Variants in SCD5 observed in about 807,000 individuals in gnomAD.
SCD5 encodes the protein acyl-CoA-desaturase 4.
SCD5 carries 20 observed loss-of-function variants against 30.4 expected under a neutral mutation model. That is an observed-to-expected ratio of 0.66 (90% confidence interval 0.46 to 0.96). The LOEUF (loss-of-function observed/expected upper bound fraction) is 0.96, where lower values mean the gene tolerates loss of function less well. Among genes scored for constraint, SCD5 ranks in the 40% least tolerant of loss-of-function variants. The probability of loss-of-function intolerance (pLI) is 0.00; values close to 1 mark genes in which losing one functional copy is unlikely to be tolerated. For synonymous variants in SCD5, 173 were observed against 176.4 expected (o/e 0.98, Z 0.16); for missense variants, 381 against 443.3 (o/e 0.86, Z 1.26).
At chr4:82,654,288 T>C (rs17006035) in intron 3 of SCD5, among the ~76,000 whole-genome samples, 26,281 of 152,180 alleles carry the variant, frequency 0.17, 3,742 homozygotes, top group African/African-American at 0.39. Flanking sequence ...TGAAGAGAAG[T>C]AAGTGACTTG....
intron 2 of SCD5, among the ~76,000 whole-genome samples, chr4:82,702,071 G>A (rs1168123502): frequency 1.3e-5 from 2 of 149,680 alleles, no homozygotes; most frequent in Non-Finnish European, 3.0e-5. Flanking sequence ...AAGCGTTCAG[G>A]TTCAGAGGGG....
chr4:82,665,168 A>G (rs549928297), intron 3 of SCD5, among the ~76,000 whole-genome samples: 1 of 144,868 alleles, frequency 6.9e-6, no homozygotes, highest in South Asian at 2.2e-4. Context: ...CAGAAGTTTG[A>G]GGCTACAGTT....
chr4:82,736,810 A>G (rs1202239049), intron 1 of SCD5, among the ~76,000 whole-genome samples: 1 of 151,836 alleles, frequency 6.6e-6, no homozygotes, highest in East Asian at 1.9e-4. Flanking sequence ...CTACAGATGC[A>G]TGCCACCATG....
At chr4:82,752,783 T>C (rs1208330858) in intron 1 of SCD5, among the ~76,000 whole-genome samples, 1 of 152,170 alleles carries the variant, frequency 6.6e-6, no homozygotes, top group African/African-American at 2.4e-5. Flanking sequence ...CTACATCTGT[T>C]TCCCTTTTTC....
In SCD5 at chr4:82,795,759, C is replaced by A. The variant is rs148521675; in HGVS notation, c.232+2547G>T. On this transcript the variant is annotated intron_variant, in intron 1 of 4. Coordinates refer to ENST00000319540, the MANE Select transcript of SCD5 (RefSeq NM_001037582.3). ...ATTGCTTGAGCCCAGGAGACTGAGA[C>A]TGCAGTGAGCTATGATCGTGCCACT... is the stretch of plus-strand genomic sequence containing the variant. 4.9e-3 allele frequency among the ~76,000 whole-genome samples: 636 copies of A among 128,952 alleles called. 2 individuals are homozygous for A. Among genetic ancestry groups the A allele is most frequent in the African/African-American group, 0.017 (599 of 34,420 alleles). 84.6% of individuals were successfully genotyped at this position (128,952 alleles called of 152,430 possible).
intron 3 of SCD5, among the ~76,000 whole-genome samples, chr4:82,641,379 C>T (rs1199143600): frequency 6.8e-6 from 1 of 147,538 alleles, no homozygotes; most frequent in Non-Finnish European, 1.5e-5. Context: ...AGACAATGAA[C>T]AATATAAATA....
chr4:82,795,204 A>T (rs1722186837), intron 1 of SCD5, among the ~76,000 whole-genome samples: 1 of 152,196 alleles, frequency 6.6e-6, no homozygotes, highest in Non-Finnish European at 1.5e-5. Flanking sequence ...TGCACTGCAT[A>T]GATGCCTCTT....
intron 1 of SCD5, among the ~76,000 whole-genome samples, chr4:82,741,636 T>C (rs1164907207): frequency 1.3e-5 from 2 of 152,220 alleles, no homozygotes; most frequent in Non-Finnish European, 2.9e-5. Flanking sequence ...ACACACACTT[T>C]TGCCTTTGTC....
At chr4:82,707,560 T>C (rs2148828106) in intron 1 of SCD5, among the ~76,000 whole-genome samples, 3 of 152,364 alleles carry the variant, frequency 2.0e-5, no homozygotes, top group Admixed American at 2.0e-4. Flanking sequence ...AGTTCCATGA[T>C]TAGTTTACAA....
rs140695990 is a variant in SCD5 at position 82,757,527 on chromosome 4, C to T, written c.232+40779G>A. ...AGCTGAGGAAACCAAAATCCAGAGA[C>T]GGGAATTATACTGCCTGAAGCCACA... On this transcript the variant is annotated intron_variant, in intron 1 of 4. Transcript: ENST00000319540. Among the ~76,000 whole-genome samples the T allele has an allele frequency of 7.2e-5, 11 of 152,306 alleles. No homozygotes were observed. In the East Asian group the frequency reaches 9.6e-4, roughly 13 times the overall value.
At chr4:82,778,331 C>T (rs373818513) in intron 1 of SCD5, among the ~76,000 whole-genome samples, 19 of 152,212 alleles carry the variant, frequency 1.2e-4, no homozygotes, top group African/African-American at 4.1e-4. Flanking sequence ...GGGACCTGGC[C>T]CAAGGAGGGT....
chr4:82,710,907 AGAGAG>A (rs940598589), intron 1 of SCD5, among the ~76,000 whole-genome samples: 5 of 152,056 alleles, frequency 3.3e-5, no homozygotes, highest in Non-Finnish European at 5.9e-5. Flanking sequence ...AGAGAGAGAG[AGAGAG>A]AAGTGCATAT....
intron 2 of SCD5, among the ~76,000 whole-genome samples, chr4:82,704,985 G>T (rs1300508654): frequency 6.6e-6 from 1 of 152,248 alleles, no homozygotes; most frequent in Non-Finnish European, 1.5e-5. Context: ...TTGGCCCCTG[G>T]TTAGGGCTGG....
chr4:82,673,102 G>A (rs1728361742), intron 3 of SCD5, among the ~76,000 whole-genome samples: 1 of 152,154 alleles, frequency 6.6e-6, no homozygotes, highest in South Asian at 2.1e-4. Flanking sequence ...CCTCTAAGAT[G>A]AGGAAAAAGG....
At chr4:82,643,447 A>G (rs1451390986) in intron 3 of SCD5, among the ~76,000 whole-genome samples, 2 of 152,216 alleles carry the variant, frequency 1.3e-5, no homozygotes, top group Non-Finnish European at 2.9e-5. Flanking sequence ...TGAAAACATT[A>G]AGATTAGTAA....
chr4:82,726,842 C>T (rs558109705), intron 1 of SCD5, among the ~76,000 whole-genome samples: 1 of 152,264 alleles, frequency 6.6e-6, no homozygotes, highest in East Asian at 1.9e-4. Flanking sequence ...CAGCCCTCTT[C>T]GTCCTGTTCC....
chr4:82,778,524 G>C (rs1721801351), intron 1 of SCD5, among the ~76,000 whole-genome samples: 1 of 152,230 alleles, frequency 6.6e-6, no homozygotes, highest in Non-Finnish European at 1.5e-5. Flanking sequence ...TGCTCTAGGG[G>C]CTATTCCTGG....
chr4:82,636,904 G>C, intron 3 of SCD5, 81 bp from the exon 4 acceptor site: 1 of 1,219,710 alleles, frequency 8.2e-7, no homozygotes, highest in Non-Finnish European at 1.1e-6. Flanking sequence ...GGAAAAGTCA[G>C]AAAAAAGCCC....
At chr4:82,720,433 G>GGAAAAAA (rs1720342723) in intron 1 of SCD5, among the ~76,000 whole-genome samples, 1 of 22,964 alleles carries the variant, frequency 4.4e-5, no homozygotes. Context: ...TCTCAAAAAA[G>GGAAAAAA]GCAAAAATAA....
Sources: gnomAD v4.1 joint callset for allele counts (sites outside exome capture counted in the v4.1 genomes callset) on GRCh38, gnomAD v4.1.1 for gene constraint, MANE v1.5 for transcripts, NCBI Gene and HGNC (gene_info 2026-07-23, HGNC 2026-07-21) for gene names.